Variants in TOMM20L observed in about 807,000 individuals in gnomAD.
The protein encoded by TOMM20L is translocase of outer mitochondrial membrane 20 like.
TOMM20L carries 19 observed loss-of-function variants against 20.4 expected under a neutral mutation model. That is an observed-to-expected ratio of 0.93 (90% CI 0.65 to 1.36). TOMM20L has a LOEUF of 1.36. Ranked by LOEUF, TOMM20L falls within the 40% of genes most tolerant of loss-of-function variation. TOMM20L has a pLI of 0.00. For missense variants in TOMM20L, 218 were observed against 203.7 expected (o/e 1.07, Z -0.43); for synonymous variants, 75 against 79.6 (o/e 0.94, Z 0.30).
At chr14:58,410,478 C>T (rs2036179554), downstream of TOMM20L, among the ~76,000 whole-genome samples, 1 of 152,120 alleles carries the variant, frequency 6.6e-6, no homozygotes, top group Admixed American at 6.5e-5. Flanking sequence ...CAAAGTCAAG[C>T]TTTGTTTTTT....
chr14:58,396,316 A>G lies in TOMM20L; in HGVS notation c.155A>G (p.Gln52Arg). The change falls in exon 2 of 5, where the codon CAA (glutamine) becomes CGA (arginine). Residue 52 changes from glutamine (Q) to arginine (R), a missense_variant. Transcript: ENST00000360945. ...TTCGCAGAAAGAAGAGCAGAGCCTC[A>G]AAAGGCTGAGGAGCAGGGCACGCAG... The part of the protein sequence containing the change: ...RLRDKRRAEP[Q>R]KAEEQGTQLW... 6.2e-7 allele frequency: 1 copy of G among 1,613,280 alleles called. No homozygotes were observed. Among genetic ancestry groups the G allele is most frequent in the Non-Finnish European group, 8.5e-7 (1 of 1,179,776 alleles).
chr14:58,411,990 A>G (rs773000273), downstream of TOMM20L: 2 of 1,582,598 alleles, frequency 1.3e-6, no homozygotes, highest in Non-Finnish European at 1.7e-6. Context: ...AAAATTCAAA[A>G]CAAGTTTGTC....
In TOMM20L at chr14:58,408,262, C is replaced by T. The variant is rs562963109; in HGVS notation, c.406-267C>T. 2.0e-5 allele frequency among the ~76,000 whole-genome samples: 3 copies of T among 151,972 alleles called. No homozygotes were observed. In the South Asian group the frequency reaches 6.2e-4, roughly 32 times the overall value. The stretch of plus-strand genomic sequence containing the variant: ...TGAAACCCCATTTCTACTAAAAATA[C>T]AAAAGTTAGCCGGGCATGGTGGCAC... On this transcript the variant is annotated intron_variant, in intron 4 of 4. Transcript: ENST00000360945.
the TOMM20L span, among the ~76,000 whole-genome samples, chr14:58,414,096 T>TGAA: frequency 8.2e-6 from 1 of 121,322 alleles, no homozygotes; most frequent in Non-Finnish European, 1.7e-5. Flanking sequence ...AAGGAAAACA[T>TGAA]GAATCATGTA....
chr14:58,398,821 T>C (rs1218159438), intron 2 of TOMM20L: 1 of 152,034 alleles, frequency 6.6e-6, no homozygotes, highest in Non-Finnish European at 1.5e-5. Context: ...ATAAATTATT[T>C]CAAGTGAAGA....
downstream of TOMM20L, chr14:58,410,947 A>C (rs746425698): frequency 6.3e-7 from 1 of 1,592,386 alleles, no homozygotes; most frequent in Non-Finnish European, 8.6e-7. Flanking sequence ...AACTACAAAC[A>C]AACCAGAATG....
At chr14:58,405,948 AT>A (rs1389310262) in intron 3 of TOMM20L, among the ~76,000 whole-genome samples, 1 of 152,086 alleles carries the variant, frequency 6.6e-6, no homozygotes, top group African/African-American at 2.4e-5. Flanking sequence ...AGGTGTCAAT[AT>A]TTTTTTTAAA....
At chr14:58,404,119 A>ATTTTTTTT (rs1273614135) in intron 3 of TOMM20L, among the ~76,000 whole-genome samples, 2 of 8,354 alleles carry the variant, frequency 2.4e-4, no homozygotes, top group African/African-American at 6.6e-4. Flanking sequence ...ATATATATAT[A>ATTTTTTTT]TTTTTTTTTT....
Position 58,408,581 on chromosome 14 carries a change from G to C in TOMM20L, c.458G>C (p.Ter153SerextTer19). ...EQDCLEDDPD[*>S] ...GACTGCTTGGAGGATGATCCTGATTGAAAAACATTTCAACGTATCCACAGT... is the reference window on the plus strand; with the variant it reads ...GACTGCTTGGAGGATGATCCTGATTCAAAAACATTTCAACGTATCCACAGT... The change falls in exon 5 of 5, where the codon TGA becomes TCA. Residue 153 changes from the stop codon to serine, a stop_lost. Coordinates refer to ENST00000360945, the MANE Select transcript of TOMM20L (RefSeq NM_207377.3). 6.2e-7 allele frequency: 1 copy of C among 1,613,852 alleles called. No individual in the cohort carries two copies. Among genetic ancestry groups the C allele is most frequent in the Non-Finnish European group, 8.5e-7 (1 of 1,179,872 alleles).
chr14:58,398,033 A>G (rs1250837340), intron 2 of TOMM20L, among the ~76,000 whole-genome samples: 1 of 152,170 alleles, frequency 6.6e-6, no homozygotes, highest in Non-Finnish European at 1.5e-5. Context: ...GGGGTTTCAA[A>G]ATGGAATCAC....
chr14:58,412,138 G>T, downstream of TOMM20L: 1 of 512,072 alleles, frequency 2.0e-6, no homozygotes, highest in African/African-American at 2.0e-5. Context: ...TTACAGTTGA[G>T]AATTAGATTT....
At chr14:58,399,369 C>T (rs1489568243) in intron 2 of TOMM20L, among the ~76,000 whole-genome samples, 1 of 152,092 alleles carries the variant, frequency 6.6e-6, no homozygotes, top group Non-Finnish European at 1.5e-5. Flanking sequence ...AATTCTGATC[C>T]AGTAGCCTGG....
In TOMM20L at chr14:58,396,017, C is replaced by T; in HGVS notation, c.60C>T (p.Phe20=). 6.9e-7 allele frequency: 1 copy of T among 1,454,190 alleles called. No homozygotes were observed. The allele number at this position is 1,454,190 out of a possible 1,614,324, so 90.1% of individuals were successfully genotyped here. A position where few individuals can be genotyped will look rare whatever the true frequency, so the allele number is the denominator to read the frequency against. ...LLAAAAACGA[F]AFLGYCIYLN... is the part of the protein sequence containing the mutation. ...CCGCCGCGGCGGCCTGTGGCGCCTT[C>T]GCCTTCCTGGGCTATTGTATTTACC... Residue 20 remains phenylalanine (F), a synonymous_variant, in exon 1 of 5, where the codon TTC becomes TTT. Transcript: ENST00000360945.
At chr14:58,415,697 C>T in the TOMM20L span, among the ~76,000 whole-genome samples, 1 of 151,968 alleles carries the variant, frequency 6.6e-6, no homozygotes, top group Non-Finnish European at 1.5e-5. Context: ...TAACAGAGTA[C>T]AAAGGACTTG....
chr14:58,399,410 C>T (rs1040259585), intron 2 of TOMM20L, among the ~76,000 whole-genome samples: 1 of 152,060 alleles, frequency 6.6e-6, no homozygotes, highest in African/African-American at 2.4e-5. Flanking sequence ...GACTGTCAGA[C>T]TTTAGGATCC....
chr14:58,414,091 A>C, the TOMM20L span, among the ~76,000 whole-genome samples: 4 of 151,514 alleles, frequency 2.6e-5, no homozygotes, highest in African/African-American at 9.7e-5. Flanking sequence ...TGTAAAAGGA[A>C]AACATGAATC....
chr14:58,415,973 T>C, the TOMM20L span, among the ~76,000 whole-genome samples: 1 of 151,282 alleles, frequency 6.6e-6, no homozygotes, highest in Admixed American at 6.6e-5. Context: ...CCTAGCACTT[T>C]GGGAGGCCAA....
chr14:58,399,305 T>G (rs946414525), intron 2 of TOMM20L, among the ~76,000 whole-genome samples: 2 of 152,190 alleles, frequency 1.3e-5, no homozygotes, highest in African/African-American at 4.8e-5. Flanking sequence ...ATTGCTGCAT[T>G]ACATTTACCT....
the TOMM20L span, among the ~76,000 whole-genome samples, chr14:58,414,930 G>A: frequency 1.3e-5 from 2 of 152,128 alleles, no homozygotes; most frequent in Non-Finnish European, 2.9e-5. Flanking sequence ...CTACTCTGGG[G>A]TGGTATCTAA....
Sources: allele counts gnomAD v4.1 joint callset (sites outside exome capture counted in the v4.1 genomes callset), GRCh38; gene constraint gnomAD v4.1.1; transcripts MANE v1.5; gene names NCBI Gene and HGNC (gene_info 2026-07-23, HGNC 2026-07-21).